Variants in SCN10A observed in about 807,000 individuals in gnomAD.
SCN10A encodes sodium channel protein type 10 subunit alpha.
A neutral mutation model predicts 170.7 loss-of-function variants in SCN10A; 162 were observed. That is an observed-to-expected ratio of 0.95 (90% CI 0.84 to 1.08). The LOEUF (loss-of-function observed/expected upper bound fraction) is 1.08. Ranked by LOEUF, SCN10A falls within the 50% of genes least tolerant of loss-of-function variation. The probability of loss-of-function intolerance (pLI) is 0.00; values close to 1 mark genes in which losing one functional copy is unlikely to be tolerated. For synonymous variants in SCN10A, 985 were observed against 904.6 expected (o/e 1.09, Z -1.59); for missense variants, 2,527 against 2,436.9 (o/e 1.04, Z -0.78).
intron 25 of SCN10A, among the ~76,000 whole-genome samples, chr3:38,708,279 A>G (rs577891615): frequency 8.5e-5 from 13 of 152,126 alleles, no homozygotes; most frequent in South Asian, 4.2e-4. Context: ...AACTCTGACC[A>G]AGGATTCAGT....
intron 26 of SCN10A, 93 bp from the exon 27 acceptor site, chr3:38,702,202 C>T (rs1325704035): frequency 7.5e-7 from 1 of 1,338,118 alleles, no homozygotes; most frequent in Non-Finnish European, 1.0e-6. Context: ...CTCCATCACA[C>T]TCCACATCTT....
intron 5 of SCN10A, among the ~76,000 whole-genome samples, chr3:38,770,845 T>A (rs1192361846): frequency 2.0e-5 from 3 of 152,182 alleles, no homozygotes; most frequent in Admixed American, 6.5e-5. Context: ...CAGGGATGGA[T>A]TCCCTGGTCT....
intron 15 of SCN10A, among the ~76,000 whole-genome samples, chr3:38,733,120 T>C (rs530737082): frequency 6.6e-6 from 1 of 152,292 alleles, no homozygotes; most frequent in South Asian, 2.1e-4. Context: ...CAATGAGAGG[T>C]CTGAAGCCAT....
intron 7 of SCN10A, 36 bp from the exon 8 acceptor site, chr3:38,760,783 T>C: frequency 1.3e-6 from 2 of 1,544,734 alleles, no homozygotes; most frequent in Non-Finnish European, 1.8e-6. Context: ...TCACAGATGG[T>C]TCTGAACCCT....
chr3:38,804,553 A>G (rs959168163), intron 1 of SCN10A, among the ~76,000 whole-genome samples: 3 of 152,180 alleles, frequency 2.0e-5, no homozygotes, highest in Non-Finnish European at 4.4e-5. Context: ...TTATTTGTTG[A>G]ATAAATAAAT....
At chr3:38,776,124 A>T (rs2064071053) in intron 4 of SCN10A, among the ~76,000 whole-genome samples, 1 of 152,106 alleles carries the variant, frequency 6.6e-6, no homozygotes, top group African/African-American at 2.4e-5. Context: ...ATTGGGTACT[A>T]GGACAAAAGG....
At chr3:38,797,499 C>T (rs529241879) in intron 1 of SCN10A, among the ~76,000 whole-genome samples, 12 of 152,288 alleles carry the variant, frequency 7.9e-5, no homozygotes, top group Admixed American at 7.2e-4. Flanking sequence ...CATAATTGAA[C>T]ATCTGTCTTC....
chr3:38,792,247 G>A, intron 2 of SCN10A, 79 bp from the exon 3 acceptor site: 3 of 1,553,264 alleles, frequency 1.9e-6, no homozygotes, highest in Non-Finnish European at 2.6e-6. Flanking sequence ...AAACATGAGA[G>A]GCATTATCTC....
At chr3:38,785,329 A>T (rs113295398) in intron 4 of SCN10A, among the ~76,000 whole-genome samples, 4 of 152,156 alleles carry the variant, frequency 2.6e-5, no homozygotes, top group Non-Finnish European at 4.4e-5. Flanking sequence ...GTAACACCGC[A>T]TATCTACAAC....
intron 21 of SCN10A, among the ~76,000 whole-genome samples, 154 bp from the exon 22 acceptor site, chr3:38,714,234 A>G (rs2063307952): frequency 1.3e-5 from 2 of 152,204 alleles, no homozygotes; most frequent in Non-Finnish European, 2.9e-5. Context: ...TGAGAGGTCT[A>G]GAAAGAGTTT....
intron 6 of SCN10A, among the ~76,000 whole-genome samples, chr3:38,762,298 G>T (rs529242846): frequency 1.3e-5 from 2 of 152,300 alleles, no homozygotes; most frequent in South Asian, 4.1e-4. Context: ...CAATTGAGGG[G>T]AAAGTCTGTA....
Position 38,702,030 on chromosome 3 carries a change from T to C in SCN10A, c.4466A>G (p.Asn1489Ser). ...AGTCTCCACCATCATGGTGATCATGTTGAGGCAGATGAGGACCATGATGGT... is the reference window on the plus strand; with the variant it reads ...AGTCTCCACCATCATGGTGATCATGCTGAGGCAGATGAGGACCATGATGGT... ...DITIMVLICL[N>S]MITMMVETDD... Residue 1489 changes from asparagine to serine, a missense_variant, in exon 27 of 28, where the codon AAC becomes AGC. Asn to Ser is a conservative substitution (Grantham distance 46). Coordinates refer to ENST00000449082, the MANE Select transcript of SCN10A (RefSeq NM_006514.4). 6.2e-7 allele frequency: 1 copy of C among 1,613,004 alleles called. No individual in the cohort carries two copies. The highest frequency in any genetic ancestry group is 8.5e-7 in the Non-Finnish European group (1 of 1,179,406).
rs187140106 is a variant in SCN10A, at chr3:38,760,882, G to C, written c.884-135C>G. 1,391 of 697,826 alleles carry C rather than the reference G, an allele frequency of 2.0e-3. 4 individuals are homozygous for C. Among genetic ancestry groups the C allele is most frequent in the Non-Finnish European group, 2.6e-3 (1,069 of 409,408 alleles). 43.2% of individuals were successfully genotyped at this position (697,826 alleles called of 1,614,324 possible). ...TACATGTACTCAGTGGGCATGCTGG[G>C]CCACATGGAAGTTGTAAAGTCACAT... On this transcript the variant is annotated intron_variant, in intron 7 of 27. Transcript: ENST00000449082.
chr3:38,787,406 TTATCTC>T (rs2064220466), intron 4 of SCN10A, among the ~76,000 whole-genome samples: 1 of 152,184 alleles, frequency 6.6e-6, no homozygotes, highest in South Asian at 2.1e-4. Flanking sequence ...TTCTTACTGT[TTATCTC>T]TAGGTTATGT....
intron 4 of SCN10A, among the ~76,000 whole-genome samples, chr3:38,780,184 G>T (rs114949831): frequency 1.6e-4 from 24 of 151,788 alleles, no homozygotes; most frequent in African/African-American, 5.6e-4. Flanking sequence ...CTTATTTGTT[G>T]CAAAGATATA....
intron 11 of SCN10A, 151 bp downstream of exon 11, chr3:38,755,637 T>A: frequency 3.7e-6 from 3 of 814,238 alleles, no homozygotes; most frequent in South Asian, 3.5e-5. Flanking sequence ...ACTTTCCTAG[T>A]TTAAGACACC....
intron 1 of SCN10A, among the ~76,000 whole-genome samples, chr3:38,806,907 G>C (rs990234814): frequency 6.6e-5 from 10 of 152,080 alleles, no homozygotes; most frequent in African/African-American, 2.4e-4. Context: ...CCAAATAAAA[G>C]TTTTCTCATT....
chr3:38,701,282 T>C (rs2063153469), intron 27 of SCN10A, among the ~76,000 whole-genome samples: 1 of 152,210 alleles, frequency 6.6e-6, no homozygotes. Flanking sequence ...ATTAATTTCT[T>C]GGCATTGATA....
intron 13 of SCN10A, among the ~76,000 whole-genome samples, chr3:38,748,045 T>C (rs1279110132): frequency 6.6e-6 from 1 of 152,070 alleles, no homozygotes; most frequent in African/African-American, 2.4e-5. Context: ...CAAATGCTTG[T>C]TGATAAGAGA....
Sources: allele counts gnomAD v4.1 joint callset (sites outside exome capture counted in the v4.1 genomes callset), GRCh38; gene constraint gnomAD v4.1.1; transcripts MANE v1.5; gene names NCBI Gene and HGNC (gene_info 2026-07-23, HGNC 2026-07-21).